Variants in TLK1 observed in about 807,000 individuals in gnomAD.
TLK1 encodes serine/threonine-protein kinase tousled-like 1.
In TLK1, 24 loss-of-function variants were observed where a neutral mutation model predicts 105.3. The ratio of observed to expected loss-of-function variants is 0.23; its 90% CI spans 0.17 to 0.32. The LOEUF is 0.32. Ranked by LOEUF, TLK1 falls within the 10% of genes least tolerant of loss-of-function variation. TLK1 has a pLI of 1.00. For missense variants in TLK1, 558 were observed against 910.5 expected, an observed-to-expected ratio of 0.61 and a Z score of 4.98; for synonymous variants, 321 against 310.4, an observed-to-expected ratio of 1.03 and a Z score of -0.36.
chr2:171,111,389 G>C (rs1432222761), intron 2 of TLK1, among the ~76,000 whole-genome samples: 1 of 151,998 alleles, frequency 6.6e-6, no homozygotes, highest in Non-Finnish European at 1.5e-5. Context: ...CTGGGTACAT[G>C]GTAAAACCTG....
chr2:171,205,276 T>C (rs1424805972), intron 1 of TLK1, among the ~76,000 whole-genome samples: 3 of 151,770 alleles, frequency 2.0e-5, no homozygotes, highest in African/African-American at 7.3e-5. Context: ...TATATGACAG[T>C]TAAATTATAG....
chr2:171,170,030 A>T (rs1357589288), intron 1 of TLK1, among the ~76,000 whole-genome samples: 1 of 152,232 alleles, frequency 6.6e-6, no homozygotes, highest in African/African-American at 2.4e-5. Flanking sequence ...CAGCATGCAC[A>T]CATGAAAAGA....
chr2:171,216,515 A>G (rs1693717053), intron 1 of TLK1, among the ~76,000 whole-genome samples: 1 of 152,142 alleles, frequency 6.6e-6, no homozygotes, highest in Admixed American at 6.5e-5. Context: ...ATAACAACTT[A>G]CGAGATTAAT....
At chr2:171,225,434 C>T (rs140152834) in intron 1 of TLK1, among the ~76,000 whole-genome samples, 26 of 151,948 alleles carry the variant, frequency 1.7e-4, no homozygotes, top group African/African-American at 5.8e-4. Flanking sequence ...TAGCCACCCA[C>T]CAGGATGACT....
rs565530033 is a variant in TLK1 at position 171,094,604 on chromosome 2, A to C, written c.259-11752T>G. ...CACTGTAAGGGCAAGCAATACCCTCAAACTAAATTTTCTTTTTTTCCGAGA... is the reference window on the plus strand; with the variant it reads ...CACTGTAAGGGCAAGCAATACCCTCCAACTAAATTTTCTTTTTTTCCGAGA... On this transcript the variant is annotated intron_variant, in intron 2 of 20. Coordinates refer to ENST00000431350, the MANE Select transcript of TLK1 (RefSeq NM_012290.5). 3.3e-3 allele frequency among the ~76,000 whole-genome samples: 501 copies of C among 152,214 alleles called. 4 individuals carry two copies. Among genetic ancestry groups the C allele is most frequent in the South Asian group, 0.013 (62 of 4,828 alleles).
chr2:171,202,221 C>T (rs749411595), intron 1 of TLK1, among the ~76,000 whole-genome samples: 33 of 151,378 alleles, frequency 2.2e-4, no homozygotes, highest in Non-Finnish European at 4.1e-4. Context: ...TTTGGGAGGC[C>T]GAGGAGGGCG....
chr2:171,040,576 T>G (rs796336967), intron 11 of TLK1, among the ~76,000 whole-genome samples: 119 of 147,418 alleles, frequency 8.1e-4, no homozygotes, highest in Admixed American at 1.2e-3. Flanking sequence ...TTGTTTTTTT[T>G]TTTTTTTTTT....
chr2:171,172,388 T>C (rs1423361454), intron 1 of TLK1, among the ~76,000 whole-genome samples: 2 of 152,226 alleles, frequency 1.3e-5, no homozygotes, highest in African/African-American at 2.4e-5. Flanking sequence ...CTTTGGTACA[T>C]GTAGTTATAC....
At chr2:171,021,433 C>CTTTTTTTTTTTTTTTTTTTTTT (rs531522490) in intron 12 of TLK1, among the ~76,000 whole-genome samples, 1 of 116,842 alleles carries the variant, frequency 8.6e-6, no homozygotes, top group African/African-American at 3.3e-5. Context: ...CCCGCCCCGA[C>CTTTTTTTTTTTTTTTTTTTTTT]TTTTTTTTTT....
At chr2:171,211,334 T>C (rs911574086) in intron 1 of TLK1, among the ~76,000 whole-genome samples, 2 of 152,230 alleles carry the variant, frequency 1.3e-5, no homozygotes, top group African/African-American at 4.8e-5. Context: ...ACGAATTATA[T>C]CAAACCGTTT....
chr2:171,048,228 C>T (rs902261740), intron 10 of TLK1, among the ~76,000 whole-genome samples: 1 of 152,136 alleles, frequency 6.6e-6, no homozygotes, highest in Non-Finnish European at 1.5e-5. Flanking sequence ...GGATTACAGG[C>T]GTGAGCCACT....
rs776938999 is a variant in TLK1 at position 171,011,438 on chromosome 2, T to C, written c.1351A>G (p.Thr451Ala). ...EDNSQFKDHP[T>A]LNERYLLLHL... Reference sequence around the variant, plus strand: ...AGTAATAAATATCTTTCATTTAATGTTGGGTGATCTTTGAACCTTAGAGGT... The same window carrying C: ...AGTAATAAATATCTTTCATTTAATGCTGGGTGATCTTTGAACCTTAGAGGT... The change falls in exon 14 of 21, where the codon ACA becomes GCA. Residue 451 changes from threonine to alanine, a missense_variant. Thr to Ala is a moderately conservative substitution (Grantham distance 58, BLOSUM62 0). Around this residue, in one of 5 missense-constraint regions of TLK1, gnomAD observed 218 missense variants for 492.9 expected, o/e 0.44. Coordinates refer to ENST00000431350, the MANE Select transcript of TLK1 (RefSeq NM_012290.5). The C allele has an allele frequency of 3.7e-6, 6 of 1,612,696 alleles. No individual in the cohort carries two copies. Among genetic ancestry groups the C allele is most frequent in the Non-Finnish European group, 2.5e-6 (3 of 1,179,476 alleles).
chr2:171,218,574 C>T (rs897554953), intron 1 of TLK1, among the ~76,000 whole-genome samples: 6 of 152,112 alleles, frequency 3.9e-5, no homozygotes, highest in Admixed American at 1.3e-4. Flanking sequence ...ATTTATTTCT[C>T]GCAGTTTTGG....
rs1432709054 is a variant in TLK1 at position 171,006,295 on chromosome 2, T to C, written c.1769-13A>G. On this transcript the variant is annotated splice_polypyrimidine_tract_variant and intron_variant, in intron 17 of 20. Coordinates refer to ENST00000431350, the MANE Select transcript of TLK1 (RefSeq NM_012290.5). ...AGTAGGATGTTTCCTAAGAATAAAATATAAGATTCTTTTAATGATACATAC... is the reference window on the plus strand; with the variant it reads ...AGTAGGATGTTTCCTAAGAATAAAACATAAGATTCTTTTAATGATACATAC... 1 of 1,571,758 alleles carries C rather than the reference T, an allele frequency of 6.4e-7. No homozygotes were observed. The highest frequency in any genetic ancestry group is 2.0e-5 in the Admixed American group (1 of 49,230).
At chr2:171,095,310 T>C (rs1422554695) in intron 2 of TLK1, among the ~76,000 whole-genome samples, 1 of 147,072 alleles carries the variant, frequency 6.8e-6, no homozygotes, top group Non-Finnish European at 1.5e-5. Context: ...AGAAAAACAA[T>C]AGAAAAAAAA....
chr2:171,046,895 C>T (rs1279269467), intron 10 of TLK1, among the ~76,000 whole-genome samples: 1 of 152,014 alleles, frequency 6.6e-6, no homozygotes, highest in Non-Finnish European at 1.5e-5. Flanking sequence ...TTACAAAAGG[C>T]AAATATGAAT....
intron 1 of TLK1, among the ~76,000 whole-genome samples, chr2:171,158,479 T>C (rs1334096891): frequency 1.3e-5 from 2 of 152,230 alleles, no homozygotes; most frequent in African/African-American, 4.8e-5. Flanking sequence ...TCTAGATGTT[T>C]TGTCTCCCAA....
At chr2:171,109,679 AT>A (rs1308066074) in intron 2 of TLK1, among the ~76,000 whole-genome samples, 12 of 152,244 alleles carry the variant, frequency 7.9e-5, no homozygotes, top group Non-Finnish European at 1.8e-4. Context: ...TTACCAAAAC[AT>A]TTGTACCAAA....
chr2:171,229,742 A>G (rs180907377), intron 1 of TLK1, among the ~76,000 whole-genome samples: 219 of 152,330 alleles, frequency 1.4e-3, no homozygotes, highest in Non-Finnish European at 2.3e-3. Flanking sequence ...TGGCTTAGGT[A>G]TTGCCTCCGC....
Sources: gnomAD v4.1 joint callset for allele counts (sites outside exome capture counted in the v4.1 genomes callset) on GRCh38, gnomAD v4.1.1 for gene constraint, gnomAD v4.1.1 regional missense constraint, MANE v1.5 for transcripts, NCBI Gene and HGNC (gene_info 2026-07-23, HGNC 2026-07-21) for gene names.